The following ADAMTS17 variants were observed in gnomAD, a reference collection of about 807,000 sequenced individuals.
ADAMTS17 encodes ADAM metallopeptidase with thrombospondin type 1 motif 17.
A neutral mutation model predicts 141.5 loss-of-function variants in ADAMTS17; 113 were observed. The observed-to-expected ratio is 0.80, with a 90% CI of 0.69 to 0.93. The LOEUF (loss-of-function observed/expected upper bound fraction) is 0.93. Ranked by LOEUF, ADAMTS17 falls within the 40% of genes least tolerant of loss-of-function variation. ADAMTS17 has a pLI of 0.00. For missense variants in ADAMTS17, 1,659 were observed against 1,517.9 expected, an observed-to-expected ratio of 1.09 and a Z score of -1.54; for synonymous variants, 768 against 630.6, an observed-to-expected ratio of 1.22 and a Z score of -3.27.
At chr15:100,266,978 T>C (rs183375775) in intron 4 of ADAMTS17, among the ~76,000 whole-genome samples, 1 of 152,320 alleles carries the variant, frequency 6.6e-6, no homozygotes, top group Admixed American at 6.5e-5. Context: ...AATCAGTCAA[T>C]TGTTTTTGTA....
At chr15:100,226,129 C>A (rs1030878767) in intron 7 of ADAMTS17, among the ~76,000 whole-genome samples, 1 of 152,102 alleles carries the variant, frequency 6.6e-6, no homozygotes, top group African/African-American at 2.4e-5. Context: ...GTCCTTACAG[C>A]AGTCACGGCC....
At chr15:100,114,974 C>T (rs2037022074) in intron 13 of ADAMTS17, among the ~76,000 whole-genome samples, 1 of 152,250 alleles carries the variant, frequency 6.6e-6, no homozygotes, top group Non-Finnish European at 1.5e-5. Context: ...AAAACTGAAG[C>T]AGGCAACCAA....
chr15:100,064,095 C>T (rs936072421), intron 15 of ADAMTS17, among the ~76,000 whole-genome samples: 1 of 151,634 alleles, frequency 6.6e-6, no homozygotes, highest in Non-Finnish European at 1.5e-5. Flanking sequence ...TAGGCCTAAT[C>T]CAAAATGACT....
At chr15:99,999,012 G>A (rs1042999053) in intron 18 of ADAMTS17, among the ~76,000 whole-genome samples, 4 of 152,188 alleles carry the variant, frequency 2.6e-5, no homozygotes, top group Non-Finnish European at 4.4e-5. Context: ...AATGTCTACC[G>A]CTTTTGCCCA....
chr15:100,044,768 C>T (rs555665954), intron 18 of ADAMTS17, among the ~76,000 whole-genome samples: 23 of 151,870 alleles, frequency 1.5e-4, no homozygotes, highest in African/African-American at 5.6e-4. Context: ...AGCAGCACTG[C>T]TCAACAGAAA....
intron 18 of ADAMTS17, among the ~76,000 whole-genome samples, chr15:100,014,046 C>G (rs553461550): frequency 6.6e-6 from 1 of 152,006 alleles, no homozygotes; most frequent in Non-Finnish European, 1.5e-5. Flanking sequence ...TTTTAAATTA[C>G]CATTTCAATC....
At chr15:100,169,650 G>A (rs1193405840) in intron 8 of ADAMTS17, among the ~76,000 whole-genome samples, 2 of 152,160 alleles carry the variant, frequency 1.3e-5, no homozygotes, top group African/African-American at 4.8e-5. Context: ...TCAATCGAGA[G>A]CAAAGAACCG....
At chr15:100,141,069 G>A (rs1356813542) in intron 10 of ADAMTS17, among the ~76,000 whole-genome samples, 1 of 152,194 alleles carries the variant, frequency 6.6e-6, no homozygotes, top group Non-Finnish European at 1.5e-5. Context: ...CACAGTCCGT[G>A]CACATGGCAA....
chr15:100,174,408 T>C (rs993270586), intron 8 of ADAMTS17, among the ~76,000 whole-genome samples: 5 of 150,364 alleles, frequency 3.3e-5, no homozygotes, highest in African/African-American at 1.3e-4. Flanking sequence ...TACTAAACCC[T>C]AGTTTGTGCG....
chr15:100,036,969 A>G (rs1188890447), intron 18 of ADAMTS17, among the ~76,000 whole-genome samples: 1 of 152,206 alleles, frequency 6.6e-6, no homozygotes, highest in Non-Finnish European at 1.5e-5. Flanking sequence ...TCTTCAGTGA[A>G]TGAACATGTG....
chr15:100,251,023 A>G (rs1193296100), intron 7 of ADAMTS17, among the ~76,000 whole-genome samples: 1 of 152,256 alleles, frequency 6.6e-6, no homozygotes, highest in Non-Finnish European at 1.5e-5. Flanking sequence ...TTGTACAAGC[A>G]AAATATGACA....
rs192639917 is a variant in ADAMTS17, at chr15:100,146,086, T to C, written c.1473+6526A>G. ...TACTCGGGAGGCTGAGACAGGAGAATCACTTGAACCTGGGAGGTGGAGGTT... is the reference window on the plus strand; with the variant it reads ...TACTCGGGAGGCTGAGACAGGAGAACCACTTGAACCTGGGAGGTGGAGGTT... On this transcript the variant is annotated intron_variant, in intron 10 of 21. Transcript: ENST00000268070. Among the ~76,000 whole-genome samples, 446 of 152,298 alleles carry C rather than the reference T, an allele frequency of 2.9e-3. 6 individuals are homozygous for C. The highest frequency in any genetic ancestry group is 0.01 in the African/African-American group (419 of 41,568).
chr15:100,185,316 G>C (rs2040673453), intron 8 of ADAMTS17, among the ~76,000 whole-genome samples: 1 of 151,690 alleles, frequency 6.6e-6, no homozygotes, highest in South Asian at 2.1e-4. Flanking sequence ...GAAGAAACCT[G>C]TGAGATCTAC....
intron 8 of ADAMTS17, among the ~76,000 whole-genome samples, chr15:100,190,824 A>T (rs1236003988): frequency 2.0e-5 from 3 of 152,212 alleles, no homozygotes; most frequent in Admixed American, 2.0e-4. Context: ...AGTAAAGGTG[A>T]AGTGAGTCCA....
chr15:100,157,257 A>G (rs1431870647), intron 8 of ADAMTS17, among the ~76,000 whole-genome samples: 1 of 152,190 alleles, frequency 6.6e-6, no homozygotes, highest in African/African-American at 2.4e-5. Flanking sequence ...CAGCCAAACC[A>G]TATCAGAAGG....
At chr15:100,225,780 T>G (rs1259960375) in intron 7 of ADAMTS17, among the ~76,000 whole-genome samples, 2 of 144,590 alleles carry the variant, frequency 1.4e-5, no homozygotes, top group African/African-American at 2.6e-5. Flanking sequence ...CATTCTGTCC[T>G]TACAGCAGTC....
intron 7 of ADAMTS17, among the ~76,000 whole-genome samples, chr15:100,215,009 A>G (rs2041926240): frequency 6.6e-6 from 1 of 152,230 alleles, no homozygotes; most frequent in African/African-American, 2.4e-5. Flanking sequence ...ATTTGGTATC[A>G]TGAAATAAAG....
At chr15:100,264,737 C>T (rs1204770776) in intron 4 of ADAMTS17, among the ~76,000 whole-genome samples, 1 of 151,996 alleles carries the variant, frequency 6.6e-6, no homozygotes, top group Non-Finnish European at 1.5e-5. Flanking sequence ...AGCTCAGTCG[C>T]CTCCCTTGGA....
chr15:100,037,946 A>AT (rs201512296), intron 18 of ADAMTS17, among the ~76,000 whole-genome samples: 4,509 of 140,250 alleles, frequency 0.032, 114 homozygotes, highest in African/African-American at 0.074. Context: ...CTAATTTTGT[A>AT]TTTTTTTTTT....
Sources: gnomAD v4.1 joint callset for allele counts (sites outside exome capture counted in the v4.1 genomes callset) on GRCh38, gnomAD v4.1.1 for gene constraint, MANE v1.5 for transcripts, NCBI Gene and HGNC (gene_info 2026-07-23, HGNC 2026-07-21) for gene names.